DPYD: variants seen among roughly 807,000 people sequenced by gnomAD.
The protein encoded by DPYD is dihydropyrimidine dehydrogenase, also known as dihydropyrimidine dehydrogenase [NADP(+)].
In DPYD, 109 loss-of-function variants were observed where a neutral mutation model predicts 116.2. The ratio of observed to expected loss-of-function variants is 0.94; its 90% CI spans 0.80 to 1.10. The LOEUF (loss-of-function observed/expected upper bound fraction) is 1.10, where lower values mean the gene tolerates loss of function less well. Ranked by LOEUF, DPYD falls within the 50% of genes least tolerant of loss-of-function variation. DPYD has a pLI of 0.00. For synonymous variants in DPYD, 440 were observed against 432.0 expected (o/e 1.02, Z -0.23); for missense variants, 1,302 against 1,254.5 (o/e 1.04, Z -0.57).
intron 2 of DPYD, chr1:97,856,382 C>T (rs1229223732): frequency 6.6e-6 from 1 of 151,914 alleles, no homozygotes; most frequent in Non-Finnish European, 1.5e-5. Context: ...AGATGGACAC[C>T]TATAAAATAT....
At chr1:97,281,501 A>G (rs1665322148) in intron 18 of DPYD, among the ~76,000 whole-genome samples, 1 of 152,034 alleles carries the variant, frequency 6.6e-6, no homozygotes, top group Non-Finnish European at 1.5e-5. Context: ...AGAAGAAACT[A>G]GAATATTGGC....
intron 5 of DPYD, among the ~76,000 whole-genome samples, chr1:97,716,747 T>C (rs1662637880): frequency 6.6e-6 from 1 of 152,072 alleles, no homozygotes; most frequent in African/African-American, 2.4e-5. Flanking sequence ...GAATTCCACA[T>C]TCTTTGTACA....
chr1:97,540,399 C>T (rs938048742), intron 12 of DPYD, among the ~76,000 whole-genome samples: 7 of 151,136 alleles, frequency 4.6e-5, no homozygotes, highest in African/African-American at 1.5e-4. Flanking sequence ...AAACAAAAAC[C>T]AAACTTTTAC....
Position 97,146,394 on chromosome 1 carries a change from C to T in DPYD, c.2622+46675G>A, listed in dbSNP as rs907838159. On this transcript the variant is annotated intron_variant, in intron 20 of 22. Transcript: ENST00000370192. ...AAAAAGCAAGACTGTCAGAGACAAA[C>T]TGGCCTATATGATCATCCCAACCAT... 7.9e-5 allele frequency among the ~76,000 whole-genome samples: 12 copies of T among 152,132 alleles called. 1 individual carries two copies. Among genetic ancestry groups the T allele is most frequent in the Admixed American group, 4.6e-4 (7 of 15,272 alleles).
chr1:97,917,266 T>C (rs763911100), intron 1 of DPYD, among the ~76,000 whole-genome samples: 11 of 152,188 alleles, frequency 7.2e-5, no homozygotes, highest in Non-Finnish European at 1.3e-4. Flanking sequence ...GTGGAATCTT[T>C]ATTATCTTTT....
At chr1:97,670,911 C>G (rs1194339304) in intron 8 of DPYD, among the ~76,000 whole-genome samples, 2 of 151,956 alleles carry the variant, frequency 1.3e-5, no homozygotes, top group African/African-American at 4.8e-5. Flanking sequence ...ATTTAGGTAA[C>G]TACCATAAGT....
chr1:97,841,898 C>A (rs921494682), intron 2 of DPYD, among the ~76,000 whole-genome samples: 14 of 151,854 alleles, frequency 9.2e-5, no homozygotes, highest in Admixed American at 4.6e-4. Context: ...TCATTCACTA[C>A]TGTATCTGAA....
intron 12 of DPYD, among the ~76,000 whole-genome samples, chr1:97,524,228 G>A (rs1267626036): frequency 6.6e-6 from 1 of 152,118 alleles, no homozygotes; most frequent in Non-Finnish European, 1.5e-5. Context: ...TAACTACAGC[G>A]AGTTATGTTT....
intron 7 of DPYD, among the ~76,000 whole-genome samples, chr1:97,679,516 G>A (rs1660325107): frequency 6.6e-6 from 1 of 152,060 alleles, no homozygotes; most frequent in African/African-American, 2.4e-5. Context: ...CAGCATCAAT[G>A]TACAGTCAAG....
chr1:97,290,545 A>G (rs1204271935), intron 18 of DPYD, among the ~76,000 whole-genome samples: 6 of 152,170 alleles, frequency 3.9e-5, no homozygotes, highest in Non-Finnish European at 7.3e-5. Context: ...ATCTACAACT[A>G]TCTGATCTTT....
Position 97,383,130 on chromosome 1 carries a change from T to C in DPYD, c.1906-669A>G, listed in dbSNP as rs74105155. Among the ~76,000 whole-genome samples, 1,273 of 152,228 alleles carry C rather than the reference T, an allele frequency of 8.4e-3. 12 individuals carry two copies. Among genetic ancestry groups the C allele is most frequent in the African/African-American group, 0.029 (1,186 of 41,528 alleles). On this transcript the variant is annotated intron_variant, in intron 14 of 22. Coordinates refer to ENST00000370192, the MANE Select transcript of DPYD (RefSeq NM_000110.4). ...TACTTGTGGCCCTGAGCAAAGTATT[T>C]AGTTTCCTGATTGGTAAAATATGAA...
At chr1:97,274,037 G>T (rs1488782493) in intron 18 of DPYD, among the ~76,000 whole-genome samples, 2 of 152,142 alleles carry the variant, frequency 1.3e-5, no homozygotes, top group African/African-American at 4.8e-5. Flanking sequence ...ATTCTTTGAT[G>T]CCTATTGTGC....
intron 7 of DPYD, among the ~76,000 whole-genome samples, chr1:97,683,542 A>G (rs1443380078): frequency 2.0e-5 from 3 of 151,972 alleles, no homozygotes; most frequent in Non-Finnish European, 4.4e-5. Flanking sequence ...AAAATGCAAT[A>G]TCTTCATTCA....
intron 18 of DPYD, among the ~76,000 whole-genome samples, chr1:97,268,392 C>T (rs923972376): frequency 1.3e-5 from 2 of 152,182 alleles, no homozygotes; most frequent in African/African-American, 4.8e-5. Context: ...AGTAGTCTCA[C>T]TCCTGCACTC....
chr1:97,775,400 C>G (rs1467680565), intron 3 of DPYD, among the ~76,000 whole-genome samples: 1 of 152,148 alleles, frequency 6.6e-6, no homozygotes, highest in African/African-American at 2.4e-5. Context: ...GGTAACCTAT[C>G]TGTCCCTTTT....
chr1:97,837,053 C>T (rs1287901646), intron 2 of DPYD, among the ~76,000 whole-genome samples: 2 of 152,028 alleles, frequency 1.3e-5, no homozygotes, highest in Non-Finnish European at 2.9e-5. Flanking sequence ...ATTTTTAAGT[C>T]ACAAAAGATA....
chr1:97,878,203 G>GC (rs1672018686), intron 2 of DPYD, among the ~76,000 whole-genome samples: 1 of 151,676 alleles, frequency 6.6e-6, no homozygotes, highest in Non-Finnish European at 1.5e-5. Flanking sequence ...AAAGGTGTGT[G>GC]CCTATATATA....
chr1:97,888,895 C>T lies in DPYD; in HGVS notation c.40-5521G>A, dbSNP rs562760874. On this transcript the variant is annotated intron_variant, in intron 1 of 22. Transcript: ENST00000370192. Reference sequence around the variant, plus strand: ...GTTCTTGGCCAGGCATGATGGCTCCCGCCTGTAATCCCAACACTTTGGGAG... The same window carrying T: ...GTTCTTGGCCAGGCATGATGGCTCCTGCCTGTAATCCCAACACTTTGGGAG... 2.0e-5 allele frequency among the ~76,000 whole-genome samples: 3 copies of T among 152,176 alleles called. No individual in the cohort carries two copies. The East Asian group carries it at 5.8e-4, about 30-fold the overall frequency.
At chr1:97,131,690 C>T (rs1653355966) in intron 20 of DPYD, among the ~76,000 whole-genome samples, 2 of 152,120 alleles carry the variant, frequency 1.3e-5, no homozygotes, top group East Asian at 1.9e-4. Flanking sequence ...ACATATGACT[C>T]AATACAGAGG....
Sources: allele counts gnomAD v4.1 joint callset (sites outside exome capture counted in the v4.1 genomes callset), GRCh38; gene constraint gnomAD v4.1.1; transcripts MANE v1.5; gene names NCBI Gene and HGNC (gene_info 2026-07-23, HGNC 2026-07-21).